The following MGAT4C variants were observed in gnomAD, a reference collection of about 807,000 sequenced individuals.
MGAT4C encodes MGAT4 family member C, also known as alpha-1,3-mannosyl-glycoprotein 4-beta-N-acetylglucosaminyltransferase C.
MGAT4C carries 19 observed loss-of-function variants against 40.1 expected under a neutral mutation model. That is an observed-to-expected ratio of 0.47 (90% CI 0.33 to 0.70). MGAT4C has a LOEUF of 0.70. Ranked by LOEUF, MGAT4C falls within the 30% of genes least tolerant of loss-of-function variation. The pLI is 0.02. For missense variants in MGAT4C, 491 were observed against 563.2 expected, an observed-to-expected ratio of 0.87 and a Z score of 1.30; for synonymous variants, 181 against 187.1, an observed-to-expected ratio of 0.97 and a Z score of 0.27.
intron 3 of MGAT4C, among the ~76,000 whole-genome samples, chr12:86,407,762 G>A (rs1956504493): frequency 1.3e-5 from 2 of 151,920 alleles, no homozygotes; most frequent in Admixed American, 1.3e-4. Context: ...GTACATACTC[G>A]GTAGAAAGAC....
At chr12:86,389,141 C>T (rs138780398) in intron 3 of MGAT4C, among the ~76,000 whole-genome samples, 1,683 of 152,186 alleles carry the variant, frequency 0.011, 33 homozygotes, top group African/African-American at 0.039. Context: ...TTTCATCACC[C>T]AGGTATTAAG....
intron 4 of MGAT4C, among the ~76,000 whole-genome samples, chr12:86,293,098 T>C (rs1953567239): frequency 6.6e-6 from 1 of 152,196 alleles, no homozygotes; most frequent in Admixed American, 6.5e-5. Flanking sequence ...ATAACAGATA[T>C]GCTGTTTAGC....
rs1883530856 is a variant in MGAT4C at position 85,969,733 on chromosome 12, T to C, written c.*9556A>G. On this transcript the variant is annotated 3_prime_UTR_variant, in exon 5 of 5. Transcript: ENST00000611864. ...GTTAGGAGGCAATGTATAATAGTGA[T>C]AAGGGGCATAGATTTTGAATTACAC... 6.6e-6 allele frequency: 1 copy of C among 151,576 alleles called. No homozygotes were observed. The highest frequency in any genetic ancestry group is 1.9e-4 in the East Asian group (1 of 5,194). The allele number at this position is 151,576 out of a possible 1,614,324, so 9.4% of individuals were successfully genotyped here.
At chr12:86,000,947 G>T (rs1327255388) in intron 2 of MGAT4C, among the ~76,000 whole-genome samples, 8 of 152,030 alleles carry the variant, frequency 5.3e-5, no homozygotes, top group Non-Finnish European at 8.8e-5. Context: ...TTTCTAACAG[G>T]CTCATGCTTA....
chr12:86,341,842 T>C (rs2136184151), intron 3 of MGAT4C, among the ~76,000 whole-genome samples: 1 of 152,276 alleles, frequency 6.6e-6, no homozygotes, highest in East Asian at 1.9e-4. Context: ...TCTCCAGCCA[T>C]CAGACATCTG....
intron 2 of MGAT4C, among the ~76,000 whole-genome samples, chr12:86,525,988 A>T (rs975255488): frequency 6.6e-6 from 1 of 152,224 alleles, no homozygotes; most frequent in Non-Finnish European, 1.5e-5. Flanking sequence ...GCAGGGGGCC[A>T]GCAGGTGCTG....
intron 1 of MGAT4C, among the ~76,000 whole-genome samples, chr12:86,062,733 G>A (rs925569104): frequency 6.6e-6 from 1 of 151,742 alleles, no homozygotes; most frequent in Non-Finnish European, 1.5e-5. Context: ...GCATACACAA[G>A]TATCAATAGC....
At chr12:86,545,317 T>C (rs1174853238) in intron 2 of MGAT4C, among the ~76,000 whole-genome samples, 1 of 152,020 alleles carries the variant, frequency 6.6e-6, no homozygotes, top group Non-Finnish European at 1.5e-5. Context: ...AATTAGATAA[T>C]ATAGTACACT....
At chr12:86,214,864 T>A (rs1566159401) in intron 1 of MGAT4C, among the ~76,000 whole-genome samples, 1 of 152,212 alleles carries the variant, frequency 6.6e-6, no homozygotes. Flanking sequence ...ACATACGCAA[T>A]GGACATTCGT....
Position 85,968,163 on chromosome 12 carries a change from T to A in MGAT4C, c.*11126A>T, listed in dbSNP as rs1394082342. The stretch of plus-strand genomic sequence containing the variant: ...TACATGCTGACATTTGAAGGATTTA[T>A]GAAAAAAAGTCCACTGTGGAAAACT... On this transcript the variant is annotated 3_prime_UTR_variant, in exon 5 of 5. Coordinates refer to ENST00000611864, the MANE Select transcript of MGAT4C (RefSeq NM_001351288.2). 6.6e-6 allele frequency: 1 copy of A among 152,038 alleles called. No individual in the cohort carries two copies. The highest frequency in any genetic ancestry group is 2.4e-5 in the African/African-American group (1 of 41,442). The allele number at this position is 152,038 out of a possible 1,614,324, so 9.4% of individuals were successfully genotyped here. A position where few individuals can be genotyped will look rare whatever the true frequency, so the allele number is the denominator to read the frequency against.
At chr12:86,325,838 C>G (rs1305054401) in intron 4 of MGAT4C, among the ~76,000 whole-genome samples, 2 of 152,040 alleles carry the variant, frequency 1.3e-5, no homozygotes, top group Non-Finnish European at 2.9e-5. Context: ...GATCATACCA[C>G]TGCACTCTTG....
chr12:86,310,693 G>A (rs1032693444), intron 4 of MGAT4C, among the ~76,000 whole-genome samples: 1 of 152,044 alleles, frequency 6.6e-6, no homozygotes, highest in Admixed American at 6.6e-5. Flanking sequence ...GGGCTAAGGC[G>A]GGCAGATTGC....
intron 2 of MGAT4C, among the ~76,000 whole-genome samples, chr12:86,701,202 T>G (rs968422459): frequency 4.6e-5 from 7 of 152,102 alleles, no homozygotes; most frequent in African/African-American, 9.7e-5. Context: ...CATACATAAT[T>G]TTATCACACT....
At chr12:86,478,092 A>G (rs964292691) in intron 2 of MGAT4C, among the ~76,000 whole-genome samples, 1 of 152,170 alleles carries the variant, frequency 6.6e-6, no homozygotes, top group Non-Finnish European at 1.5e-5. Context: ...TAGATTAAAA[A>G]TTAAATAGTA....
chr12:86,105,425 A>G (rs1240904979), intron 1 of MGAT4C, among the ~76,000 whole-genome samples: 1 of 152,184 alleles, frequency 6.6e-6, no homozygotes, highest in African/African-American at 2.4e-5. Context: ...TTTCTCACAC[A>G]GGCCTCATTA....
chr12:85,988,744 C>G (rs566297134), intron 3 of MGAT4C, among the ~76,000 whole-genome samples: 1 of 151,910 alleles, frequency 6.6e-6, no homozygotes, highest in African/African-American at 2.4e-5. Flanking sequence ...AGAATAAGCG[C>G]TTTTGCATAT....
At chr12:86,217,400 T>C (rs539374286) in intron 1 of MGAT4C, among the ~76,000 whole-genome samples, 40 of 152,276 alleles carry the variant, frequency 2.6e-4, no homozygotes, top group African/African-American at 8.7e-4. Context: ...GGTCTTGAAC[T>C]CCTGACCTCA....
chr12:86,132,716 C>G (rs1881383161), intron 1 of MGAT4C, among the ~76,000 whole-genome samples: 1 of 150,720 alleles, frequency 6.6e-6, no homozygotes, highest in Middle Eastern at 3.2e-3. Flanking sequence ...GGCGTGAACC[C>G]TGGAGGCGGA....
intron 1 of MGAT4C, among the ~76,000 whole-genome samples, chr12:86,232,157 G>T (rs998548847): frequency 6.8e-6 from 1 of 148,026 alleles, no homozygotes; most frequent in African/African-American, 2.5e-5. Context: ...AAAAAGGAGG[G>T]GGGCGGGTTG....
Sources: allele counts gnomAD v4.1 joint callset (sites outside exome capture counted in the v4.1 genomes callset), GRCh38; gene constraint gnomAD v4.1.1; transcripts MANE v1.5; gene names NCBI Gene and HGNC (gene_info 2026-07-23, HGNC 2026-07-21).